Variants in EYA4 observed in about 807,000 individuals in gnomAD.
The protein encoded by EYA4 is protein phosphatase EYA4.
Under a neutral mutation model 87.9 loss-of-function variants are expected in EYA4, and 31 were observed. The observed-to-expected ratio is 0.35, with a 90% confidence interval of 0.27 to 0.48. The LOEUF is 0.48. Ranked by LOEUF, EYA4 falls within the 20% of genes least tolerant of loss-of-function variation. The probability of loss-of-function intolerance (pLI) is 0.99; values close to 1 mark genes in which losing one functional copy is unlikely to be tolerated. For synonymous variants in EYA4, 263 were observed against 270.6 expected (o/e 0.97, Z 0.28); for missense variants, 678 against 761.4 (o/e 0.89, Z 1.29).
chr6:133,335,096 AC>A (rs1176906758), intron 2 of EYA4, among the ~76,000 whole-genome samples: 1 of 152,210 alleles, frequency 6.6e-6, no homozygotes, highest in Admixed American at 6.5e-5. Context: ...ATGGCTGATG[AC>A]CTGGAAGAGG....
intron 3 of EYA4, among the ~76,000 whole-genome samples, chr6:133,392,388 A>T (rs1213078254): frequency 6.6e-6 from 1 of 152,180 alleles, no homozygotes; most frequent in Non-Finnish European, 1.5e-5. Context: ...AATAACCTAG[A>T]GCCCAGATTT....
chr6:133,407,055 C>T (rs1788768115), intron 3 of EYA4, among the ~76,000 whole-genome samples: 1 of 152,032 alleles, frequency 6.6e-6, no homozygotes. Flanking sequence ...CAGTGTAATA[C>T]ATAATATATT....
rs1800973991 is a variant in EYA4 at position 133,530,950 on chromosome 6, A to C, written c.*2145A>C. ...TTATCAGTACTTAATTATGTTGTGC[A>C]CTAAAACCTTAAATATTTATTACTG... is the stretch of plus-strand genomic sequence containing the variant. On this transcript the variant is annotated 3_prime_UTR_variant, in exon 20 of 20. Transcript: ENST00000355286. The C allele has an allele frequency of 8.2e-7, 1 of 1,221,956 alleles. No individual in the cohort carries two copies. The highest frequency in any genetic ancestry group is 3.9e-5 in the Admixed American group (1 of 25,358). 75.7% of individuals were successfully genotyped at this position (1,221,956 alleles called of 1,614,324 possible).
At position 133,400,259 on chromosome 6, in the gene EYA4, C is replaced by T. The variant is rs573976852; in HGVS notation, c.83+17818C>T. Among the ~76,000 whole-genome samples the T allele has an allele frequency of 4.6e-5, 7 of 152,208 alleles. No homozygotes were observed. The East Asian group carries it at 1.4e-3, about 30-fold the overall frequency. On this transcript the variant is annotated intron_variant, in intron 3 of 19. Coordinates refer to ENST00000355286, the MANE Select transcript of EYA4 (RefSeq NM_004100.5). ...GCGTGGTGGCTCATGCCTGTAATCCCAGCACTTCTGGAGGCCAAGGTGGGC... is the reference window on the plus strand; with the variant it reads ...GCGTGGTGGCTCATGCCTGTAATCCTAGCACTTCTGGAGGCCAAGGTGGGC...
upstream of EYA4, among the ~76,000 whole-genome samples, chr6:133,241,082 G>T (rs1036185128): frequency 7.9e-5 from 12 of 152,104 alleles, no homozygotes; most frequent in African/African-American, 2.7e-4. Flanking sequence ...AGATTACGGC[G>T]GCGCCACCCG....
chr6:133,469,881 A>T (rs1381951778), intron 11 of EYA4, among the ~76,000 whole-genome samples: 1 of 152,144 alleles, frequency 6.6e-6, no homozygotes, highest in African/African-American at 2.4e-5. Flanking sequence ...TGCTCTTCAA[A>T]AGACACTATT....
chr6:133,488,822 G>A (rs778844876), intron 13 of EYA4, among the ~76,000 whole-genome samples: 5 of 152,106 alleles, frequency 3.3e-5, no homozygotes, highest in Admixed American at 1.3e-4. Flanking sequence ...AGACAGCAGC[G>A]ACTCCAGTAA....
At chr6:133,382,336 C>T in intron 2 of EYA4, 56 bp from the exon 3 acceptor site, 7 of 1,251,728 alleles carry the variant, frequency 5.6e-6, no homozygotes, top group Non-Finnish European at 8.2e-6. Context: ...AGTGTGTGAA[C>T]CTGAGTGAGG....
At chr6:133,460,351 T>TCA (rs1196197132) in intron 6 of EYA4, among the ~76,000 whole-genome samples, 2,344 of 152,204 alleles carry the variant, frequency 0.015, 67 homozygotes, top group African/African-American at 0.051. Flanking sequence ...TCAAGGCAGA[T>TCA]AGTTAAAGGA....
intron 2 of EYA4, among the ~76,000 whole-genome samples, chr6:133,319,528 T>C (rs1345893566): frequency 6.7e-6 from 1 of 148,976 alleles, no homozygotes; most frequent in Non-Finnish European, 1.5e-5. Context: ...TTTTTACCAG[T>C]CTTAATGATT....
intron 11 of EYA4, among the ~76,000 whole-genome samples, chr6:133,474,026 G>A (rs1246707873): frequency 1.3e-5 from 2 of 151,940 alleles, no homozygotes; most frequent in Non-Finnish European, 2.9e-5. Flanking sequence ...GATACTTCAG[G>A]GAAGGAGATA....
intron 2 of EYA4, among the ~76,000 whole-genome samples, chr6:133,362,901 G>A (rs533519987): frequency 4.6e-5 from 7 of 152,316 alleles, no homozygotes; most frequent in Non-Finnish European, 8.8e-5. Flanking sequence ...GGTTCTCTCT[G>A]TCCTGAAAGA....
At chr6:133,510,209 A>T (rs995846352) in intron 14 of EYA4, among the ~76,000 whole-genome samples, 1 of 152,220 alleles carries the variant, frequency 6.6e-6, no homozygotes, top group Admixed American at 6.5e-5. Context: ...ATGAGAGGAT[A>T]TTAAATAGAG....
At chr6:133,318,776 C>T (rs1387264418) in intron 2 of EYA4, among the ~76,000 whole-genome samples, 4 of 152,146 alleles carry the variant, frequency 2.6e-5, no homozygotes, top group African/African-American at 9.7e-5. Flanking sequence ...GCCTGGTACT[C>T]TCATTTGTAT....
At chr6:133,516,755 A>G (rs1027727679) in intron 17 of EYA4, among the ~76,000 whole-genome samples, 4 of 151,394 alleles carry the variant, frequency 2.6e-5, no homozygotes, top group Non-Finnish European at 5.9e-5. Context: ...AAGATTAATG[A>G]GAACGTGCAG....
At chr6:133,524,020 G>A (rs1800411443) in intron 18 of EYA4, among the ~76,000 whole-genome samples, 1 of 152,102 alleles carries the variant, frequency 6.6e-6, no homozygotes, top group East Asian at 1.9e-4. Flanking sequence ...CTGGCAAAAG[G>A]AGCCTCCAGT....
chr6:133,513,728 T>C (rs1799358291), intron 16 of EYA4, among the ~76,000 whole-genome samples: 1 of 152,128 alleles, frequency 6.6e-6, no homozygotes, highest in African/African-American at 2.4e-5. Flanking sequence ...TGATATCTTA[T>C]TAGAATCAAT....
chr6:133,523,330 A>T lies in EYA4; in HGVS notation c.1738+153A>T, dbSNP rs56162142. Among the ~76,000 whole-genome samples, 635 of 152,308 alleles carry T rather than the reference A, an allele frequency of 4.2e-3. 4 individuals are homozygous for T. Among genetic ancestry groups the T allele is most frequent in the Non-Finnish European group, 6.6e-3 (451 of 68,018 alleles). Reference sequence around the variant, plus strand: ...CCTACAACTCATTGTACATGTATGAATTTTTTGAGAACTGTTGCCTAGTGA... The same window carrying T: ...CCTACAACTCATTGTACATGTATGATTTTTTTGAGAACTGTTGCCTAGTGA... On this transcript the variant is annotated intron_variant, in intron 18 of 19. Coordinates refer to ENST00000355286, the MANE Select transcript of EYA4 (RefSeq NM_004100.5).
chr6:133,365,718 G>A (rs982820331), intron 2 of EYA4, among the ~76,000 whole-genome samples: 6 of 152,102 alleles, frequency 3.9e-5, no homozygotes, highest in African/African-American at 1.4e-4. Flanking sequence ...GGTTGTAGGG[G>A]TGATACCTGG....
Sources: allele counts gnomAD v4.1 joint callset (sites outside exome capture counted in the v4.1 genomes callset), GRCh38; gene constraint gnomAD v4.1.1; transcripts MANE v1.5; gene names NCBI Gene and HGNC (gene_info 2026-07-23, HGNC 2026-07-21).